Variants in DPP10 observed in about 807,000 individuals in gnomAD.
DPP10 encodes dipeptidyl peptidase like 10.
Under a neutral mutation model 120.9 loss-of-function variants are expected in DPP10, and 33 were observed. The ratio of observed to expected loss-of-function variants is 0.27; its 90% CI spans 0.21 to 0.37. The LOEUF is 0.37. Among genes scored for constraint, DPP10 ranks in the 10% least tolerant of loss-of-function variants. DPP10 has a pLI of 1.00. For synonymous variants in DPP10, 337 were observed against 326.1 expected, an observed-to-expected ratio of 1.03 and a Z score of -0.36; for missense variants, 816 against 942.8, an observed-to-expected ratio of 0.87 and a Z score of 1.76.
At chr2:114,897,618 C>A (rs958899897) in intron 1 of DPP10, among the ~76,000 whole-genome samples, 2 of 151,638 alleles carry the variant, frequency 1.3e-5, no homozygotes, top group Middle Eastern at 3.4e-3. Flanking sequence ...GGCTAATATC[C>A]AGAATCTACA....
chr2:115,275,704 T>TTC (rs1241462828), intron 1 of DPP10, among the ~76,000 whole-genome samples: 27 of 136,544 alleles, frequency 2.0e-4, no homozygotes, highest in East Asian at 9.9e-4. Flanking sequence ...TTCTTTTCTT[T>TTC]TTTTTTTTTT....
chr2:115,688,969 CAA>C (rs1202977061), intron 5 of DPP10, among the ~76,000 whole-genome samples: 1 of 152,088 alleles, frequency 6.6e-6, no homozygotes, highest in African/African-American at 2.4e-5. Flanking sequence ...AACCATCACT[CAA>C]GAAATACCAG....
chr2:114,614,048 A>C (rs1693490926), intron 1 of DPP10, among the ~76,000 whole-genome samples: 4 of 152,130 alleles, frequency 2.6e-5, no homozygotes, highest in African/African-American at 7.2e-5. Flanking sequence ...TGATGGGTTG[A>C]TAGGTGCAAC....
intron 1 of DPP10, among the ~76,000 whole-genome samples, chr2:114,466,864 T>A (rs1050151853): frequency 6.6e-6 from 1 of 152,060 alleles, no homozygotes; most frequent in African/African-American, 2.4e-5. Flanking sequence ...GCCAACATGA[T>A]GAAACTGCAT....
chr2:114,767,207 C>CAAAAAAAAAAAAAAAAAAAAAAAAAG (rs5833559), intron 1 of DPP10, among the ~76,000 whole-genome samples: 1 of 33,060 alleles, frequency 3.0e-5, no homozygotes, highest in Non-Finnish European at 5.0e-5. Flanking sequence ...AGGATAAAAG[C>CAAAAAAAAAAAAAAAAAAAAAAAAAG]AAAAAAAAAA....
chr2:115,662,236 A>T (rs1484053051), intron 5 of DPP10, among the ~76,000 whole-genome samples: 1 of 152,176 alleles, frequency 6.6e-6, no homozygotes, highest in Non-Finnish European at 1.5e-5. Context: ...TGCATTTATA[A>T]ACCACACCTT....
In DPP10 at chr2:115,309,173, T is replaced by G; in HGVS notation, c.61-66T>G. 1.1e-5 allele frequency: 14 copies of G among 1,271,548 alleles called. No individual in the cohort carries two copies. In the South Asian group the frequency reaches 1.8e-4, roughly 16 times the overall value. The allele number at this position is 1,271,548 out of a possible 1,614,324, so 78.8% of individuals were successfully genotyped here. On this transcript the variant is annotated intron_variant, in intron 1 of 25. Coordinates refer to ENST00000410059, the MANE Select transcript of DPP10 (RefSeq NM_020868.6). The stretch of plus-strand genomic sequence containing the variant: ...TGTGATTGTGCCATGCACTGAATCA[T>G]TCCTTTATGAATACATTTCTCTTGG...
chr2:114,673,544 C>T (rs915761474), intron 1 of DPP10, among the ~76,000 whole-genome samples: 1 of 151,990 alleles, frequency 6.6e-6, no homozygotes, highest in Non-Finnish European at 1.5e-5. Context: ...CAACCTCTGC[C>T]TCCCAGGTTC....
At chr2:114,983,484 G>A (rs1700209895) in intron 1 of DPP10, among the ~76,000 whole-genome samples, 1 of 152,138 alleles carries the variant, frequency 6.6e-6, no homozygotes, top group Non-Finnish European at 1.5e-5. Flanking sequence ...TTTTACTGGT[G>A]AATACATTTT....
At chr2:114,748,343 TTTTTTTTA>T (rs1367485897) in intron 1 of DPP10, among the ~76,000 whole-genome samples, 3 of 114,998 alleles carry the variant, frequency 2.6e-5, no homozygotes, top group African/African-American at 1.1e-4. Flanking sequence ...ATTTTCTTTT[TTTTTTTTA>T]TTTTTTTTTA....
At chr2:114,458,132 TTCTTGCCTCC>T (rs776016194) in intron 1 of DPP10, among the ~76,000 whole-genome samples, 14 of 136,360 alleles carry the variant, frequency 1.0e-4, no homozygotes, top group South Asian at 6.2e-4. Flanking sequence ...AACAGTCATC[TTCTTGCCTCC>T]ATATTTCAGT....
At chr2:115,019,943 T>C (rs1487466293) in intron 1 of DPP10, among the ~76,000 whole-genome samples, 1 of 152,210 alleles carries the variant, frequency 6.6e-6, no homozygotes, top group Non-Finnish European at 1.5e-5. Flanking sequence ...AAAGATACAG[T>C]CTTTTCCCAG....
At chr2:115,394,848 ATAGT>A (rs2067568926) in intron 3 of DPP10, among the ~76,000 whole-genome samples, 1 of 152,178 alleles carries the variant, frequency 6.6e-6, no homozygotes, top group African/African-American at 2.4e-5. Context: ...AAATCCATAC[ATAGT>A]TACTGTGTTA....
At chr2:115,490,704 T>G (rs1242484864) in intron 3 of DPP10, among the ~76,000 whole-genome samples, 2 of 152,340 alleles carry the variant, frequency 1.3e-5, no homozygotes, top group African/African-American at 4.8e-5. Context: ...TGTAAATGTA[T>G]TAAAAATTAT....
At chr2:114,972,445 T>A (rs191001892) in intron 1 of DPP10, among the ~76,000 whole-genome samples, 1 of 152,342 alleles carries the variant, frequency 6.6e-6, no homozygotes, top group East Asian at 1.9e-4. Context: ...GACTCATAGA[T>A]GAATGTGTCA....
intron 19 of DPP10, among the ~76,000 whole-genome samples, chr2:115,802,209 T>G (rs925218193): frequency 5.3e-4 from 80 of 152,266 alleles, no homozygotes; most frequent in African/African-American, 1.7e-3. Context: ...AGATTTTCTA[T>G]TTTATTTGCA....
chr2:115,483,609 C>G (rs181806608), intron 3 of DPP10, among the ~76,000 whole-genome samples: 3 of 151,980 alleles, frequency 2.0e-5, no homozygotes, highest in African/African-American at 7.2e-5. Context: ...TTTGGTTAAT[C>G]GTGATGAGAA....
At chr2:114,999,920 T>G (rs1383855305) in intron 1 of DPP10, among the ~76,000 whole-genome samples, 1 of 152,176 alleles carries the variant, frequency 6.6e-6, no homozygotes, top group African/African-American at 2.4e-5. Flanking sequence ...GAACTATATA[T>G]TATACTTCCT....
intron 21 of DPP10, among the ~76,000 whole-genome samples, chr2:115,827,447 T>TATATATATAG (rs1388130768): frequency 7.1e-5 from 9 of 126,840 alleles, no homozygotes; most frequent in South Asian, 2.4e-4. Flanking sequence ...TATATATATA[T>TATATATATAG]GCTCTACAGT....
Sources: allele counts gnomAD v4.1 joint callset (sites outside exome capture counted in the v4.1 genomes callset), GRCh38; gene constraint gnomAD v4.1.1; transcripts MANE v1.5; gene names NCBI Gene and HGNC (gene_info 2026-07-23, HGNC 2026-07-21).